The following PARD3 variants were observed in gnomAD, a reference collection of about 807,000 sequenced individuals.
The protein encoded by PARD3 is partitioning defective 3 homolog.
A neutral mutation model predicts 155.4 loss-of-function variants in PARD3; 75 were observed. That is an observed-to-expected ratio of 0.48 (90% CI 0.40 to 0.58). The LOEUF (loss-of-function observed/expected upper bound fraction) is 0.58, where lower values mean the gene tolerates loss of function less well. Ranked by LOEUF, PARD3 falls within the 20% of genes least tolerant of loss-of-function variation. The pLI is 0.00. For synonymous variants in PARD3, 576 were observed against 610.5 expected (o/e 0.94, Z 0.83); for missense variants, 1,642 against 1,721.7 (o/e 0.95, Z 0.82).
intron 24 of PARD3, among the ~76,000 whole-genome samples, chr10:34,118,939 G>A (rs189052980): frequency 7.2e-5 from 11 of 152,272 alleles, no homozygotes; most frequent in African/African-American, 2.6e-4. Flanking sequence ...GAAAAACTTT[G>A]ATGGAAAAAT....
At chr10:34,215,094 G>A (rs1660642) in intron 22 of PARD3, among the ~76,000 whole-genome samples, 101,094 of 152,142 alleles carry the variant, frequency 0.66, 34,888 homozygotes, top group African/African-American at 0.81. Context: ...GATAAAACCT[G>A]AAACTTTGCC....
In PARD3 at chr10:34,702,265, G is replaced by A. The variant is rs538802994; in HGVS notation, c.121-5846C>T. Among the ~76,000 whole-genome samples, 232 of 151,930 alleles carry A rather than the reference G, an allele frequency of 1.5e-3. 1 individual carries two copies. The highest frequency in any genetic ancestry group is 3.4e-3 in the Middle Eastern group (1 of 292). On this transcript the variant is annotated intron_variant, in intron 1 of 24. Coordinates refer to ENST00000374788, the MANE Select transcript of PARD3 (RefSeq NM_001184785.2). The stretch of plus-strand genomic sequence containing the variant: ...AGCCACCTAGGAGGCTGAGGTGGGA[G>A]GATCACCTGACCCTGGGGAATTTCA...
chr10:34,581,363 T>C (rs1477874722), intron 2 of PARD3, among the ~76,000 whole-genome samples: 1 of 150,300 alleles, frequency 6.7e-6, no homozygotes, highest in Non-Finnish European at 1.5e-5. Flanking sequence ...GCCTCCTGAG[T>C]AGCTGGGACT....
chr10:34,264,120 C>T (rs1955172667), intron 22 of PARD3, among the ~76,000 whole-genome samples: 1 of 152,164 alleles, frequency 6.6e-6, no homozygotes, highest in Non-Finnish European at 1.5e-5. Context: ...AGAAACCATA[C>T]TTTGAGTACC....
In PARD3 at chr10:34,606,495, C is replaced by T. The variant is rs183377050; in HGVS notation, c.223-89336G>A. On this transcript the variant is annotated intron_variant, in intron 2 of 24. Transcript: ENST00000374788. ...TGGGACTTGGAAAATAAAGAAGCTA[C>T]ATTTTTATAAAAGTTGGAGCATCAG... is the stretch of plus-strand genomic sequence containing the variant. Among the ~76,000 whole-genome samples, 248 of 152,008 alleles carry T rather than the reference C, an allele frequency of 1.6e-3. 1 individual carries two copies. The highest frequency in any genetic ancestry group is 2.5e-3 in the Non-Finnish European group (173 of 67,980).
At chr10:34,488,501 C>CT (rs112543476) in intron 3 of PARD3, 2,619 of 146,712 alleles carry the variant, frequency 0.018, 34 homozygotes, top group Non-Finnish European at 0.03. Flanking sequence ...TACTAAAACC[C>CT]TTTTTTTTTT....
At chr10:34,124,691 A>G (rs988647953) in intron 23 of PARD3, among the ~76,000 whole-genome samples, 1 of 152,198 alleles carries the variant, frequency 6.6e-6, no homozygotes, top group Admixed American at 6.5e-5. Flanking sequence ...ACTGCAAAGC[A>G]CACCCGTTTC....
chr10:34,622,727 A>C (rs1200578364), intron 2 of PARD3, among the ~76,000 whole-genome samples: 1 of 152,084 alleles, frequency 6.6e-6, no homozygotes, highest in Non-Finnish European at 1.5e-5. Context: ...AAACAAGATA[A>C]TTTTGTTAGG....
intron 1 of PARD3, among the ~76,000 whole-genome samples, chr10:34,750,030 TACACACACAC>T (rs71984849): frequency 0.013 from 1,815 of 140,776 alleles, 32 homozygotes; most frequent in African/African-American, 0.044. Context: ...TCAAAAAAAG[TACACACACAC>T]ACACACACAC....
intron 4 of PARD3, among the ~76,000 whole-genome samples, chr10:34,460,883 C>A (rs1248421888): frequency 6.6e-6 from 1 of 152,080 alleles, no homozygotes; most frequent in African/African-American, 2.4e-5. Context: ...ACAGTACCTA[C>A]ACTTCTGGTA....
At chr10:34,161,484 T>C (rs1488535927) in intron 22 of PARD3, among the ~76,000 whole-genome samples, 1 of 151,812 alleles carries the variant, frequency 6.6e-6, no homozygotes, top group Non-Finnish European at 1.5e-5. Context: ...GGAAACACCA[T>C]TCCTGAAGTC....
chr10:34,268,353 T>C (rs564248213), intron 22 of PARD3, among the ~76,000 whole-genome samples: 151 of 151,424 alleles, frequency 1.0e-3, no homozygotes, highest in Middle Eastern at 6.8e-3. Context: ...AGTTCAACCA[T>C]TGTGGAAGTC....
intron 2 of PARD3, among the ~76,000 whole-genome samples, chr10:34,607,720 G>A (rs911917329): frequency 6.6e-6 from 1 of 152,094 alleles, no homozygotes; most frequent in Non-Finnish European, 1.5e-5. Context: ...GTCTGTGGAA[G>A]GACCAACGAA....
At chr10:34,202,851 T>C (rs1951282196) in intron 22 of PARD3, among the ~76,000 whole-genome samples, 1 of 152,168 alleles carries the variant, frequency 6.6e-6, no homozygotes, top group African/African-American at 2.4e-5. Flanking sequence ...TCCCTTACTG[T>C]GACACACAAA....
chr10:34,287,698 A>AT (rs1456236852), intron 20 of PARD3, among the ~76,000 whole-genome samples: 6 of 152,222 alleles, frequency 3.9e-5, no homozygotes, highest in African/African-American at 1.4e-4. Context: ...AGTCTCATAT[A>AT]TATATGAACT....
intron 2 of PARD3, among the ~76,000 whole-genome samples, chr10:34,618,372 T>C (rs10827387): frequency 0.028 from 4,330 of 152,268 alleles, 204 homozygotes; most frequent in African/African-American, 0.098. Context: ...ATAGATTCCT[T>C]TTCCAGCATA....
At position 34,695,252 on chromosome 10, in the gene PARD3, G is replaced by A. The variant is rs371952691; in HGVS notation, c.222+1066C>T. ...AACACTTTGAGAGGCCAAAGCAGGC[G>A]GATCATGAGGTCAGGAGTTCAAGAC... On this transcript the variant is annotated intron_variant, in intron 2 of 24. Transcript: ENST00000374788. Among the ~76,000 whole-genome samples the A allele has an allele frequency of 1.6e-3, 238 of 152,152 alleles. 1 individual carries two copies. The highest frequency in any genetic ancestry group is 5.3e-3 in the African/African-American group (222 of 41,520).
At chr10:34,375,099 A>C (rs373519202) in intron 10 of PARD3, 97 bp from the exon 11 acceptor site, 1 of 751,852 alleles carries the variant, frequency 1.3e-6, no homozygotes, top group Admixed American at 2.5e-5. Context: ...CACACACTCT[A>C]GGACTAGCCA....
At chr10:34,634,750 T>A (rs1047180113) in intron 2 of PARD3, among the ~76,000 whole-genome samples, 1 of 152,342 alleles carries the variant, frequency 6.6e-6, no homozygotes, top group Admixed American at 6.5e-5. Context: ...TCAAATGTAT[T>A]ACGGGCAGAA....
Sources: gnomAD v4.1 joint callset for allele counts (sites outside exome capture counted in the v4.1 genomes callset) on GRCh38, gnomAD v4.1.1 for gene constraint, MANE v1.5 for transcripts, NCBI Gene and HGNC (gene_info 2026-07-23, HGNC 2026-07-21) for gene names.